The following UNC5D variants were observed in gnomAD, a reference collection of about 807,000 sequenced individuals.
The protein encoded by UNC5D is netrin receptor UNC5D.
In UNC5D, 39 loss-of-function variants were observed where a neutral mutation model predicts 105.4. The ratio of observed to expected loss-of-function variants is 0.37; its 90% confidence interval spans 0.29 to 0.48. The LOEUF (loss-of-function observed/expected upper bound fraction) is 0.48. Among genes scored for constraint, UNC5D ranks in the 20% least tolerant of loss-of-function variants. The pLI, the probability that UNC5D is intolerant of heterozygous loss-of-function variation, is 0.98. For synonymous variants in UNC5D, 452 were observed against 450.4 expected (o/e 1.00, Z -0.04); for missense variants, 991 against 1,202.4 (o/e 0.82, Z 2.60).
chr8:35,543,678 G>T (rs1815432910), intron 1 of UNC5D, among the ~76,000 whole-genome samples: 2 of 152,028 alleles, frequency 1.3e-5, no homozygotes, highest in Non-Finnish European at 2.9e-5. Context: ...TCTGACTTTG[G>T]TGAGGATGTC....
At chr8:35,240,905 A>G (rs1298808191) in intron 1 of UNC5D, among the ~76,000 whole-genome samples, 1 of 152,134 alleles carries the variant, frequency 6.6e-6, no homozygotes, top group Non-Finnish European at 1.5e-5. Context: ...TTCACACTTA[A>G]AATTCTGAGT....
Position 35,350,438 on chromosome 8 carries a change from C to G in UNC5D, c.103+114551C>G, listed in dbSNP as rs1408716244. 2.0e-5 allele frequency among the ~76,000 whole-genome samples: 3 copies of G among 151,944 alleles called. No homozygotes were observed. In the East Asian group the frequency reaches 5.8e-4, roughly 29 times the overall value. The stretch of plus-strand genomic sequence containing the variant: ...TGATGTCTTAAGTAAATAAAAGTGC[C>G]TAGCATGTAGTAGGCATACAATAAG... On this transcript the variant is annotated intron_variant, in intron 1 of 16. Transcript: ENST00000404895.
At chr8:35,330,578 T>G (rs1282078323) in intron 1 of UNC5D, among the ~76,000 whole-genome samples, 1 of 152,210 alleles carries the variant, frequency 6.6e-6, no homozygotes, top group Admixed American at 6.5e-5. Context: ...TCCATTTAGA[T>G]CCAATCTAGA....
At chr8:35,318,787 T>C (rs944255650) in intron 1 of UNC5D, among the ~76,000 whole-genome samples, 1 of 152,110 alleles carries the variant, frequency 6.6e-6, no homozygotes, top group African/African-American at 2.4e-5. Context: ...ATATGGCATA[T>C]GCTCAGTAAG....
intron 1 of UNC5D, among the ~76,000 whole-genome samples, chr8:35,403,496 T>C (rs73588050): frequency 0.018 from 2,737 of 152,356 alleles, 77 homozygotes; most frequent in African/African-American, 0.063. Context: ...ATATACATTG[T>C]GTGTTCCTTA....
intron 1 of UNC5D, among the ~76,000 whole-genome samples, chr8:35,544,730 G>C (rs1243750257): frequency 6.6e-6 from 1 of 150,490 alleles, no homozygotes; most frequent in African/African-American, 2.4e-5. Flanking sequence ...AGCCTCCTGA[G>C]TAGCTGGGAT....
intron 1 of UNC5D, among the ~76,000 whole-genome samples, chr8:35,440,352 C>T (rs987349432): frequency 4.0e-5 from 6 of 151,864 alleles, no homozygotes; most frequent in Non-Finnish European, 5.9e-5. Flanking sequence ...AAACTCAGCC[C>T]GGGTGTCTCG....
chr8:35,331,005 G>C (rs1810584977), intron 1 of UNC5D, among the ~76,000 whole-genome samples: 1 of 152,054 alleles, frequency 6.6e-6, no homozygotes. Flanking sequence ...GCTTTGGATG[G>C]GTTGGTTGGT....
intron 1 of UNC5D, among the ~76,000 whole-genome samples, chr8:35,367,930 A>G (rs948249113): frequency 1.3e-5 from 2 of 152,140 alleles, no homozygotes; most frequent in African/African-American, 4.8e-5. Context: ...GTTTCTCTAT[A>G]CGTCTTCTCT....
chr8:35,695,743 T>G (rs1241335897), intron 7 of UNC5D, among the ~76,000 whole-genome samples: 2 of 149,230 alleles, frequency 1.3e-5, no homozygotes, highest in African/African-American at 5.1e-5. Flanking sequence ...ATTTATTTAT[T>G]TATTTATTTG....
intron 1 of UNC5D, among the ~76,000 whole-genome samples, chr8:35,445,206 C>T (rs1807692858): frequency 6.6e-6 from 1 of 151,976 alleles, no homozygotes; most frequent in African/African-American, 2.4e-5. Context: ...CTGGCCTCTC[C>T]CTCCACTCTG....
At chr8:35,328,605 T>C (rs549433579) in intron 1 of UNC5D, among the ~76,000 whole-genome samples, 1 of 152,292 alleles carries the variant, frequency 6.6e-6, no homozygotes, top group African/African-American at 2.4e-5. Flanking sequence ...TAAACTTTTG[T>C]TGGTATTGGG....
chr8:35,493,304 A>C (rs869294313), intron 1 of UNC5D, among the ~76,000 whole-genome samples: 11 of 140,614 alleles, frequency 7.8e-5, no homozygotes, highest in South Asian at 2.3e-4. Flanking sequence ...AAAAAAAAAA[A>C]CACACCAAAA....
At chr8:35,718,391 A>G (rs185470004) in intron 8 of UNC5D, among the ~76,000 whole-genome samples, 21 of 152,310 alleles carry the variant, frequency 1.4e-4, no homozygotes, top group African/African-American at 4.6e-4. Context: ...CCGGATAGGT[A>G]TAAACGTATG....
intron 3 of UNC5D, among the ~76,000 whole-genome samples, chr8:35,575,268 A>T (rs554060831): frequency 6.6e-6 from 1 of 152,296 alleles, no homozygotes; most frequent in African/African-American, 2.4e-5. Flanking sequence ...ACAATCATGT[A>T]TATTACCTTT....
intron 1 of UNC5D, among the ~76,000 whole-genome samples, chr8:35,264,102 T>C (rs1235847711): frequency 6.6e-6 from 1 of 152,204 alleles, no homozygotes; most frequent in Non-Finnish European, 1.5e-5. Flanking sequence ...GGTTTTGTGA[T>C]TTGTAAGATA....
chr8:35,440,445 G>A (rs1286394490), intron 1 of UNC5D, among the ~76,000 whole-genome samples: 7 of 151,772 alleles, frequency 4.6e-5, no homozygotes, highest in African/African-American at 1.7e-4. Context: ...AAGCTTTTTT[G>A]TTCTCTGTTG....
intron 1 of UNC5D, among the ~76,000 whole-genome samples, chr8:35,508,066 T>C (rs909093138): frequency 6.6e-6 from 1 of 152,136 alleles, no homozygotes; most frequent in Non-Finnish European, 1.5e-5. Flanking sequence ...ATCATGACAG[T>C]CATGGCACTT....
chr8:35,547,285 CTTTTTT>C (rs11363785), intron 1 of UNC5D, among the ~76,000 whole-genome samples: 1 of 128,032 alleles, frequency 7.8e-6, no homozygotes, highest in African/African-American at 3.0e-5. Context: ...GAACATTACT[CTTTTTT>C]TTTTTTTTTT....
Sources: gnomAD v4.1 joint callset for allele counts (sites outside exome capture counted in the v4.1 genomes callset) on GRCh38, gnomAD v4.1.1 for gene constraint, MANE v1.5 for transcripts, NCBI Gene and HGNC (gene_info 2026-07-23, HGNC 2026-07-21) for gene names.